CLDN7: variants seen among roughly 807,000 people sequenced by gnomAD.
CLDN7 encodes the protein claudin-7.
In CLDN7, 15 loss-of-function variants were observed where a neutral mutation model predicts 20.3. That is an observed-to-expected ratio of 0.74 (90% CI 0.49 to 1.14). The LOEUF (loss-of-function observed/expected upper bound fraction) is 1.14, where lower values mean the gene tolerates loss of function less well. Ranked by LOEUF, CLDN7 falls within the 50% of genes most tolerant of loss-of-function variation. The pLI, the probability that CLDN7 is intolerant of heterozygous loss-of-function variation, is 0.00. For missense variants in CLDN7, 261 were observed against 274.2 expected, an observed-to-expected ratio of 0.95 and a Z score of 0.34; for synonymous variants, 117 against 106.1, an observed-to-expected ratio of 1.10 and a Z score of -0.63.
rs1192333333 is a variant in CLDN7, at chr17:7,260,518, G to C, written c.492C>G (p.Ala164=). ...CAGACCCTGCCCAGCCAATAAAGATGGCAGGGCCAAACTCATACCTGTGAA... is the reference window on the plus strand; with the variant it reads ...CAGACCCTGCCCAGCCAATAAAGATCGCAGGGCCAAACTCATACCTGTGAA... The part of the protein sequence containing the change: ...PTNIKYEFGP[A]IFIGWAGSAL... Residue 164 remains alanine (A), a synonymous_variant, in exon 4 of 4, where the codon GCC becomes GCG. Transcript: ENST00000360325. The C allele has an allele frequency of 3.7e-6, 6 of 1,612,720 alleles. No homozygotes were observed. Among genetic ancestry groups the C allele is most frequent in the Non-Finnish European group, 5.1e-6 (6 of 1,179,300 alleles).
At position 7,260,945 on chromosome 17, in the gene CLDN7, C is replaced by T. The variant is rs568192125; in HGVS notation, c.264G>A (p.Leu88=). Residue 88 remains leucine (L), a synonymous_variant, in exon 2 of 4, where the codon CTG becomes CTA. Coordinates refer to ENST00000360325, the MANE Select transcript of CLDN7 (RefSeq NM_001307.6). ...QATRALMVVS[L]VLGFLAMFVA... is the part of the protein sequence containing the mutation. The stretch of plus-strand genomic sequence containing the variant: ...CAAACATGGCCAGGAAGCCCAGCAC[C>T]AGGGAGACCACCATTAGGGCTCGAG... The T allele has an allele frequency of 6.2e-7, 1 of 1,613,688 alleles. No individual in the cohort carries two copies. The highest frequency in any genetic ancestry group is 1.3e-5 in the African/African-American group (1 of 75,064).
intron 1 of CLDN7, 82 bp downstream of exon 1, chr17:7,261,739 C>T (rs970676080): frequency 1.4e-6 from 2 of 1,477,494 alleles, no homozygotes; most frequent in South Asian, 1.2e-5. Context: ...GGCCCCCAGC[C>T]GTGGGGCCTC....
In CLDN7 at chr17:7,262,263, G is replaced by A. The variant is rs1045209455; in HGVS notation, c.-220C>T. ...CGATGGCCTCGCGGCACAGGGAGTAGGATACGCCGGGAGGGTGGTTCCAGA... is the reference window on the plus strand; with the variant it reads ...CGATGGCCTCGCGGCACAGGGAGTAAGATACGCCGGGAGGGTGGTTCCAGA... On this transcript the variant is annotated 5_prime_UTR_variant, in exon 1 of 4. Transcript: ENST00000360325. This position sits in a 1 kb window ranked among gnomAD's most constrained non-coding sequence, Gnocchi z 6.6. 2.6e-5 allele frequency: 37 copies of A among 1,410,182 alleles called. No individual in the cohort carries two copies. In the Admixed American group the frequency reaches 1.0e-3, roughly 39 times the overall value. 87.4% of individuals were successfully genotyped at this position (1,410,182 alleles called of 1,614,324 possible). A position where few individuals can be genotyped will look rare whatever the true frequency, so the allele number is the denominator to read the frequency against.
intron 1 of CLDN7, 124 bp downstream of exon 1, chr17:7,261,697 C>A (rs2072226549): frequency 3.3e-6 from 3 of 917,582 alleles, no homozygotes; most frequent in Non-Finnish European, 4.7e-6. Context: ...CAGCCGACCA[C>A]TTCCTCGCCC....
In CLDN7 at chr17:7,260,204, A is replaced by C; in HGVS notation, c.*170T>G. On this transcript the variant is annotated 3_prime_UTR_variant, in exon 4 of 4. Transcript: ENST00000360325. The stretch of plus-strand genomic sequence containing the variant: ...TCTCCCTCTTTTTGTCTCTCCCACC[A>C]ACGGCACCCCCCCACCCCCAACCCA... 5 of 588,432 alleles carry C rather than the reference A, an allele frequency of 8.5e-6. No homozygotes were observed. Among genetic ancestry groups the C allele is most frequent in the East Asian group, 3.1e-5 (1 of 32,192 alleles). 36.5% of individuals were successfully genotyped at this position (588,432 alleles called of 1,614,324 possible).
chr17:7,260,693 C>A lies in CLDN7; in HGVS notation c.422G>T (p.Gly141Val). 1.2e-6 allele frequency: 2 copies of A among 1,614,166 alleles called. No individual in the cohort carries two copies. The highest frequency in any genetic ancestry group is 3.3e-4 in the Middle Eastern group (2 of 6,062). Residue 141 changes from glycine to valine, a missense_variant, in exon 3 of 4, where the codon GGC becomes GTC. Physicochemically the swap from Gly to Val is moderately radical, Grantham distance 109. Around this residue, in one of 2 missense-constraint regions of CLDN7, gnomAD observed 215 missense variants for 199.6 expected, o/e 1.08. Coordinates refer to ENST00000360325, the MANE Select transcript of CLDN7 (RefSeq NM_001307.6). ...ATAAAAGTCTGTGACAATCTGATGGCCATACCAGGAGCAAGCTACCAAGGC... is the reference window on the plus strand; with the variant it reads ...ATAAAAGTCTGTGACAATCTGATGGACATACCAGGAGCAAGCTACCAAGGC... ...LAALVACSWY[G>V]HQIVTDFYNP...
In CLDN7 at chr17:7,260,487, C is replaced by G. The variant is rs9912315; in HGVS notation, c.523G>C (p.Val175Leu). The change falls in exon 4 of 4, where the codon GTC becomes CTC. Residue 175 changes from valine to leucine, a missense_variant. By Grantham distance (32) the Val-to-Leu change is conservative (BLOSUM62 1). This residue lies in a region of CLDN7 where 215 missense variants were observed against 199.6 expected (regional missense o/e 1.08). Transcript: ENST00000360325. ...GAGAGCAGTGCACCTCCCAGGATGA[C>G]TAGGGCAGACCCTGCCCAGCCAATA... ...IFIGWAGSAL[V>L]ILGGALLSCS... 3 of 1,613,234 alleles carry G rather than the reference C, an allele frequency of 1.9e-6. No homozygotes were observed. Among genetic ancestry groups the G allele is most frequent in the Non-Finnish European group, 2.5e-6 (3 of 1,179,654 alleles).
chr17:7,260,623 G>T lies in CLDN7; in HGVS notation c.473+19C>A, dbSNP rs1394388030. On this transcript the variant is annotated intron_variant, in intron 3 of 3. Transcript: ENST00000360325. ...GACCCCAGACCTGTCCCCTTAGGAG[G>T]CAGGGTTCCCAGACTTACTTAATGT... The T allele has an allele frequency of 3.1e-6, 5 of 1,613,778 alleles. No individual in the cohort carries two copies. The highest frequency in any genetic ancestry group is 1.7e-6 in the Non-Finnish European group (2 of 1,179,692).
chr17:7,262,522 G>T, upstream of CLDN7: 1 of 540,256 alleles, frequency 1.9e-6, no homozygotes, highest in Non-Finnish European at 2.4e-6. The surrounding 1 kb of genome is among the most constrained non-coding windows in gnomAD (Gnocchi z 6.6). Context: ...CGTCGGGGGC[G>T]CGGCCCGCGC....
At position 7,260,311 on chromosome 17, in the gene CLDN7, C is replaced by T; in HGVS notation, c.*63G>A. 6.6e-7 allele frequency: 1 copy of T among 1,522,562 alleles called. No individual in the cohort carries two copies. The highest frequency in any genetic ancestry group is 8.8e-7 in the Non-Finnish European group (1 of 1,131,410). The allele number at this position is 1,522,562 out of a possible 1,614,324, so 94.3% of individuals were successfully genotyped here. On this transcript the variant is annotated 3_prime_UTR_variant, in exon 4 of 4. Coordinates refer to ENST00000360325, the MANE Select transcript of CLDN7 (RefSeq NM_001307.6). The stretch of plus-strand genomic sequence containing the variant: ...CCTGCCCACAGGCTGAGCTCAGCCC[C>T]AGGCCCTTTCAGGCATCTAGACACT...
Position 7,260,927 on chromosome 17 carries a change from G to A in CLDN7, c.282C>T (p.Ala94=). Residue 94 remains alanine (A), a synonymous_variant, in exon 2 of 4, where the codon GCC becomes GCT. Coordinates refer to ENST00000360325, the MANE Select transcript of CLDN7 (RefSeq NM_001307.6). ...MVVSLVLGFL[A]MFVATMGMKC... ...TCATGCCCATCGTGGCCACAAACAT[G>A]GCCAGGAAGCCCAGCACCAGGGAGA... is the stretch of plus-strand genomic sequence containing the variant. The A allele has an allele frequency of 6.2e-7, 1 of 1,614,092 alleles. No individual in the cohort carries two copies.
In CLDN7 at chr17:7,262,257, G is replaced by A. The variant is rs985003077; in HGVS notation, c.-214C>T. 7.0e-7 allele frequency: 1 copy of A among 1,419,022 alleles called. No homozygotes were observed. Among genetic ancestry groups the A allele is most frequent in the Non-Finnish European group, 9.2e-7 (1 of 1,090,616 alleles). The allele number at this position is 1,419,022 out of a possible 1,614,324, so 87.9% of individuals were successfully genotyped here. A position where few individuals can be genotyped will look rare whatever the true frequency, so the allele number is the denominator to read the frequency against. On this transcript the variant is annotated 5_prime_UTR_variant, in exon 1 of 4. Coordinates refer to ENST00000360325, the MANE Select transcript of CLDN7 (RefSeq NM_001307.6). This position sits in a 1 kb window ranked among gnomAD's most constrained non-coding sequence, Gnocchi z 6.6. ...GTGAAGCGATGGCCTCGCGGCACAG[G>A]GAGTAGGATACGCCGGGAGGGTGGT...
rs554859335 is a variant in CLDN7 at position 7,262,197 on chromosome 17, CT to C, written c.-155del. On this transcript the variant is annotated 5_prime_UTR_variant, in exon 1 of 4. Transcript: ENST00000360325. This position sits in a 1 kb window ranked among gnomAD's most constrained non-coding sequence, Gnocchi z 6.6. ...GGGTTTGGGCCAGGTGAATGCAAAT[CT>C]TGTCACCAAACTACACACAAATCGA... 109 of 1,441,542 alleles carry C rather than the reference CT, an allele frequency of 7.6e-5. No individual in the cohort carries two copies. In the African/African-American group the frequency reaches 1.2e-3, roughly 16 times the overall value. 89.3% of individuals were successfully genotyped at this position (1,441,542 alleles called of 1,614,324 possible). A position where few individuals can be genotyped will look rare whatever the true frequency, so the allele number is the denominator to read the frequency against.
At position 7,260,237 on chromosome 17, in the gene CLDN7, T is replaced by A; in HGVS notation, c.*137A>T. 1.8e-4 allele frequency: 95 copies of A among 538,192 alleles called. No homozygotes were observed. Among genetic ancestry groups the A allele is most frequent in the Middle Eastern group, 3.6e-4 (1 of 2,776 alleles). 33.3% of individuals were successfully genotyped at this position (538,192 alleles called of 1,614,324 possible). On this transcript the variant is annotated 3_prime_UTR_variant, in exon 4 of 4. Coordinates refer to ENST00000360325, the MANE Select transcript of CLDN7 (RefSeq NM_001307.6). ...CCCCCCACCCCCAACCCAAGAGGAC[T>A]ATACATGGAGTGCAGGGACAGAGTG...
chr17:7,260,124 G>T lies in CLDN7; in HGVS notation c.*250C>A. 2.6e-6 allele frequency: 1 copy of T among 389,198 alleles called. No individual in the cohort carries two copies. The highest frequency in any genetic ancestry group is 2.1e-5 in the African/African-American group (1 of 48,510). The allele number at this position is 389,198 out of a possible 1,614,324, so 24.1% of individuals were successfully genotyped here. On this transcript the variant is annotated 3_prime_UTR_variant, in exon 4 of 4. Coordinates refer to ENST00000360325, the MANE Select transcript of CLDN7 (RefSeq NM_001307.6). ...ACGGGAGGAAAGCAGAGGCCCTGAA[G>T]GGAAAAAAGCCTGCTTCCCAATACT...
At chr17:7,262,520 G>T (rs1267386586), upstream of CLDN7, 9 of 538,688 alleles carry the variant, frequency 1.7e-5, no homozygotes, top group African/African-American at 2.1e-5. This position sits in a 1 kb window ranked among gnomAD's most constrained non-coding sequence, Gnocchi z 6.6. Context: ...GGCGTCGGGG[G>T]CGCGGCCCGC....
rs748773256 is a variant in CLDN7 at position 7,261,899 on chromosome 17, C to T, written c.145G>A (p.Gly49Arg). 2 of 1,614,090 alleles carry T rather than the reference C, an allele frequency of 1.2e-6. No individual in the cohort carries two copies. The highest frequency in any genetic ancestry group is 8.5e-7 in the Non-Finnish European group (1 of 1,180,058). Residue 49 changes from glycine (G) to arginine (R), a missense_variant, in exon 1 of 4, where the codon GGG (glycine) becomes AGG (arginine). Gly to Arg is a moderately radical substitution (Grantham distance 125, BLOSUM62 -2). Transcript: ENST00000360325. ...NIITAQAMYK[G>R]LWMDCVTQST... Reference sequence around the variant, plus strand: ...TGCGTGACGCAGTCCATCCACAGCCCCTTGTACATGGCCTGGGCCGTGATG... The same window carrying T: ...TGCGTGACGCAGTCCATCCACAGCCTCTTGTACATGGCCTGGGCCGTGATG...
chr17:7,262,876 CG>C (rs1328766972), upstream of CLDN7: 1 of 152,472 alleles, frequency 6.6e-6, no homozygotes, highest in Non-Finnish European at 1.5e-5. The surrounding 1 kb of genome is among the most constrained non-coding windows in gnomAD (Gnocchi z 6.6). Flanking sequence ...CTTTCCCCGC[CG>C]GGTTCTGTCC....
At chr17:7,261,418 C>A (rs2072214455) in intron 1 of CLDN7, among the ~76,000 whole-genome samples, 1 of 152,186 alleles carries the variant, frequency 6.6e-6, no homozygotes, top group Non-Finnish European at 1.5e-5. Flanking sequence ...AGGCGGCGGC[C>A]CACTCTGACC....
Sources: allele counts gnomAD v4.1 joint callset (sites outside exome capture counted in the v4.1 genomes callset), GRCh38; gene constraint gnomAD v4.1.1; regional missense constraint gnomAD v4.1.1; non-coding constraint Gnocchi (gnomAD v3.1); transcripts MANE v1.5; gene names NCBI Gene and HGNC (gene_info 2026-07-23, HGNC 2026-07-21).